The following NRXN3 variants were observed in gnomAD, a reference collection of about 807,000 sequenced individuals.
NRXN3 encodes neurexin 3, also known as neurexin III.
A neutral mutation model predicts 137.6 loss-of-function variants in NRXN3; 32 were observed. That is an observed-to-expected ratio of 0.23 (90% CI 0.18 to 0.31). The LOEUF is 0.31. NRXN3 is among the 10% of genes least tolerant of loss of function. The probability of loss-of-function intolerance (pLI) is 1.00; values close to 1 mark genes in which losing one functional copy is unlikely to be tolerated. For synonymous variants in NRXN3, 798 were observed against 784.5 expected (o/e 1.02, Z -0.29); for missense variants, 1,574 against 2,062.5 (o/e 0.76, Z 4.59).
chr14:78,785,699 G>C (rs1347828090), intron 8 of NRXN3, among the ~76,000 whole-genome samples: 1 of 152,170 alleles, frequency 6.6e-6, no homozygotes, highest in East Asian at 1.9e-4. Flanking sequence ...TCATCCGCCA[G>C]GCAGTTACAA....
intron 20 of NRXN3, among the ~76,000 whole-genome samples, chr14:79,830,200 C>T (rs1322259910): frequency 6.6e-6 from 1 of 152,030 alleles, no homozygotes; most frequent in East Asian, 1.9e-4. Context: ...AACTATAGTA[C>T]CTTAGTTGTA....
chr14:79,240,998 C>A (rs538494572), intron 15 of NRXN3, among the ~76,000 whole-genome samples: 1 of 152,148 alleles, frequency 6.6e-6, no homozygotes, highest in East Asian at 1.9e-4. Flanking sequence ...GTGTCCTTCC[C>A]CCTTTATATC....
intron 20 of NRXN3, among the ~76,000 whole-genome samples, chr14:79,844,905 G>C (rs775156064): frequency 5.3e-5 from 8 of 152,148 alleles, no homozygotes; most frequent in Non-Finnish European, 1.0e-4. Context: ...TCCAATATAA[G>C]ACCATTTTGT....
At chr14:79,556,704 C>A (rs1411026967) in intron 16 of NRXN3, among the ~76,000 whole-genome samples, 1 of 152,088 alleles carries the variant, frequency 6.6e-6, no homozygotes, top group South Asian at 2.1e-4. Flanking sequence ...TACAGGCATG[C>A]ACCATCACAC....
intron 16 of NRXN3, among the ~76,000 whole-genome samples, chr14:79,478,345 A>T (rs1210260358): frequency 1.3e-5 from 2 of 151,978 alleles, no homozygotes; most frequent in African/African-American, 4.8e-5. Flanking sequence ...ACTTCCAAAC[A>T]CAAGTTGTTC....
chr14:78,756,041 T>C (rs894061273), intron 8 of NRXN3, among the ~76,000 whole-genome samples: 6 of 152,238 alleles, frequency 3.9e-5, no homozygotes, highest in Admixed American at 2.0e-4. Flanking sequence ...CTCACAAGGC[T>C]GCTTATAGCA....
intron 15 of NRXN3, among the ~76,000 whole-genome samples, chr14:79,052,966 C>T (rs1395013521): frequency 3.3e-5 from 5 of 152,246 alleles, no homozygotes; most frequent in Non-Finnish European, 4.4e-5. Context: ...GAGAGTGTAA[C>T]GAATCTTATT....
intron 4 of NRXN3, among the ~76,000 whole-genome samples, chr14:78,315,739 C>T (rs1377250326): frequency 6.6e-6 from 1 of 152,120 alleles, no homozygotes; most frequent in Non-Finnish European, 1.5e-5. Context: ...ATTGTGATCA[C>T]TGGGTAAAAA....
intron 4 of NRXN3, among the ~76,000 whole-genome samples, chr14:78,463,285 T>A (rs1452899090): frequency 1.3e-5 from 2 of 152,114 alleles, no homozygotes; most frequent in East Asian, 3.9e-4. Context: ...CCTGATCCAG[T>A]CACCAGTTGA....
intron 15 of NRXN3, among the ~76,000 whole-genome samples, chr14:79,324,134 G>A (rs1415832905): frequency 6.6e-6 from 1 of 152,134 alleles, no homozygotes; most frequent in African/African-American, 2.4e-5. Context: ...CTTCACTTTT[G>A]CCCAGAAATA....
At chr14:78,179,207 C>T (rs2059556194) in intron 1 of NRXN3, among the ~76,000 whole-genome samples, 1 of 152,066 alleles carries the variant, frequency 6.6e-6, no homozygotes, top group African/African-American at 2.4e-5. Flanking sequence ...GGAAGGGATG[C>T]CAGGTCTGCT....
chr14:79,814,581 A>T (rs933609769), intron 20 of NRXN3, among the ~76,000 whole-genome samples: 6 of 152,270 alleles, frequency 3.9e-5, no homozygotes, highest in Non-Finnish European at 8.8e-5. Flanking sequence ...AACGACAATA[A>T]GAAACCCTTG....
At chr14:79,066,750 G>A (rs544456947) in intron 15 of NRXN3, among the ~76,000 whole-genome samples, 1 of 152,186 alleles carries the variant, frequency 6.6e-6, no homozygotes, top group African/African-American at 2.4e-5. Flanking sequence ...GTTCATTCAT[G>A]ATTTGGCTCT....
At chr14:78,957,584 A>G (rs1183335517) in intron 11 of NRXN3, among the ~76,000 whole-genome samples, 4 of 152,202 alleles carry the variant, frequency 2.6e-5, no homozygotes, top group African/African-American at 4.8e-5. Context: ...CTATAACTAC[A>G]TATTTATGGG....
At chr14:79,004,595 G>C (rs1047531000) in intron 15 of NRXN3, among the ~76,000 whole-genome samples, 2 of 152,130 alleles carry the variant, frequency 1.3e-5, no homozygotes, top group African/African-American at 4.8e-5. Context: ...ATAAGTAGCC[G>C]ACCAGGAATG....
chr14:79,343,188 G>T (rs572218426), intron 15 of NRXN3, among the ~76,000 whole-genome samples: 2 of 152,254 alleles, frequency 1.3e-5, no homozygotes, highest in East Asian at 1.9e-4. Context: ...GCCTCCAGCT[G>T]CATGACTCCT....
intron 15 of NRXN3, among the ~76,000 whole-genome samples, chr14:79,234,345 T>TTATATATATATATATATAATATA (rs1463036536): frequency 4.7e-5 from 5 of 106,310 alleles, no homozygotes; most frequent in African/African-American, 1.8e-4. Flanking sequence ...TATATAATAT[T>TTATATATATATATATATAATATA]TATATATATA....
chr14:78,653,109 G>A (rs1368768613), intron 6 of NRXN3, among the ~76,000 whole-genome samples: 1 of 152,154 alleles, frequency 6.6e-6, no homozygotes, highest in Non-Finnish European at 1.5e-5. Context: ...GCTTTGTATT[G>A]TTCTCAGCCT....
intron 16 of NRXN3, among the ~76,000 whole-genome samples, chr14:79,532,694 C>G (rs1394937245): frequency 6.6e-6 from 1 of 152,196 alleles, no homozygotes; most frequent in South Asian, 2.1e-4. Context: ...CCCCTACACT[C>G]CAGATCTTCT....
Sources: gnomAD v4.1 joint callset for allele counts (sites outside exome capture counted in the v4.1 genomes callset) on GRCh38, gnomAD v4.1.1 for gene constraint, MANE v1.5 for transcripts, NCBI Gene and HGNC (gene_info 2026-07-23, HGNC 2026-07-21) for gene names.